NSUN6: variants seen among roughly 807,000 people sequenced by gnomAD.
NSUN6 encodes the protein NOP2/Sun RNA methyltransferase 6.
NSUN6 carries 64 observed loss-of-function variants against 58.0 expected under a neutral mutation model. The observed-to-expected ratio is 1.10, with a 90% CI of 0.90 to 1.36. The LOEUF (loss-of-function observed/expected upper bound fraction) is 1.36, where lower values mean the gene tolerates loss of function less well. Among genes scored for constraint, NSUN6 ranks in the 40% most tolerant of loss-of-function variants. The probability of loss-of-function intolerance (pLI) is 0.00; values close to 1 mark genes in which losing one functional copy is unlikely to be tolerated. For synonymous variants in NSUN6, 231 were observed against 193.9 expected (o/e 1.19, Z -1.59); for missense variants, 701 against 550.1 (o/e 1.27, Z -2.74).
intron 7 of NSUN6, among the ~76,000 whole-genome samples, chr10:18,587,567 T>G (rs975615667): frequency 6.6e-6 from 1 of 152,036 alleles, no homozygotes; most frequent in Non-Finnish European, 1.5e-5. Context: ...GTGAGTGATT[T>G]CTGCATTTCT....
intron 6 of NSUN6, among the ~76,000 whole-genome samples, chr10:18,606,971 A>C (rs989462611): frequency 3.3e-5 from 5 of 152,208 alleles, no homozygotes; most frequent in South Asian, 2.1e-4. Context: ...CAATCCCTGA[A>C]ACCAAAATGA....
upstream of NSUN6, chr10:18,655,284 C>CA: frequency 8.4e-6 from 2 of 238,526 alleles, no homozygotes; most frequent in Non-Finnish European, 1.4e-5. Context: ...CCTCTGGTGT[C>CA]AAGCTACTAG....
chr10:18,638,508 G>T (rs527588098), intron 3 of NSUN6, among the ~76,000 whole-genome samples: 1 of 152,108 alleles, frequency 6.6e-6, no homozygotes, highest in Non-Finnish European at 1.5e-5. Flanking sequence ...CATTACACTG[G>T]CCAAATGTCT....
chr10:18,610,186 T>G (rs2058182578), intron 5 of NSUN6, among the ~76,000 whole-genome samples: 1 of 151,918 alleles, frequency 6.6e-6, no homozygotes, highest in African/African-American at 2.4e-5. Context: ...CCAAGCGTGG[T>G]GACAGGCTGT....
chr10:18,633,027 C>CTGGAT (rs1281688493), intron 3 of NSUN6, among the ~76,000 whole-genome samples: 1 of 151,812 alleles, frequency 6.6e-6, no homozygotes, highest in Non-Finnish European at 1.5e-5. Context: ...CAATGATAGA[C>CTGGAT]TGGATTAAGA....
chr10:18,623,915 C>T (rs1320387831), intron 3 of NSUN6, among the ~76,000 whole-genome samples: 2 of 152,108 alleles, frequency 1.3e-5, no homozygotes, highest in Non-Finnish European at 2.9e-5. Flanking sequence ...TGACTAGTCC[C>T]ATAGGCATGC....
At chr10:18,632,785 G>A (rs1421082965) in intron 3 of NSUN6, among the ~76,000 whole-genome samples, 1 of 152,158 alleles carries the variant, frequency 6.6e-6, no homozygotes, top group African/African-American at 2.4e-5. Flanking sequence ...TGGAGAAATA[G>A]GAACAATTTT....
chr10:18,580,381 T>A (rs1332011314), intron 8 of NSUN6, among the ~76,000 whole-genome samples: 1 of 152,152 alleles, frequency 6.6e-6, no homozygotes, highest in African/African-American at 2.4e-5. Context: ...CCCTCTCTCC[T>A]TAAGCTCCCA....
Position 18,590,306 on chromosome 10 carries a change from TAGTGGGAG to T in NSUN6, c.778-4221_778-4214del, listed in dbSNP as rs750350545. Among the ~76,000 whole-genome samples, 193 of 152,230 alleles carry T rather than the reference TAGTGGGAG, an allele frequency of 1.3e-3. 1 individual carries two copies. Among genetic ancestry groups the T allele is most frequent in the Non-Finnish European group, 1.7e-3 (116 of 68,004 alleles). Reference sequence around the variant, plus strand: ...GAGACTTAAGACTCCCACACAATAATAGTGGGAGACTTTAACACCCTACTGTTAATAGT... The same window carrying T: ...GAGACTTAAGACTCCCACACAATAATACTTTAACACCCTACTGTTAATAGT... On this transcript the variant is annotated intron_variant, in intron 7 of 10. Coordinates refer to ENST00000377304, the MANE Select transcript of NSUN6 (RefSeq NM_182543.5).
At chr10:18,595,555 C>T (rs2057552394) in intron 7 of NSUN6, among the ~76,000 whole-genome samples, 1 of 152,166 alleles carries the variant, frequency 6.6e-6, no homozygotes, top group Non-Finnish European at 1.5e-5. Context: ...GTATTTAATG[C>T]ATTTTTCCTT....
chr10:18,650,714 G>A (rs995349741), intron 1 of NSUN6, among the ~76,000 whole-genome samples: 2 of 152,176 alleles, frequency 1.3e-5, no homozygotes, highest in African/African-American at 2.4e-5. Flanking sequence ...AGATTGTGAA[G>A]ATTAAAGATG....
Position 18,567,492 on chromosome 10 carries a change from C to A in NSUN6, c.923-15521G>T, listed in dbSNP as rs550711376. ...TCTCCATACCATCCTCCATTCCATT[C>A]CATTCTCCATTCCATTCTATTCACC... On this transcript the variant is annotated intron_variant, in intron 8 of 10. Transcript: ENST00000377304. Among the ~76,000 whole-genome samples the A allele has an allele frequency of 2.0e-5, 3 of 151,374 alleles. No individual in the cohort carries two copies. The East Asian group carries it at 5.9e-4, about 30-fold the overall frequency.
At chr10:18,588,582 A>T (rs6482545) in intron 7 of NSUN6, among the ~76,000 whole-genome samples, 1 of 152,034 alleles carries the variant, frequency 6.6e-6, no homozygotes, top group Non-Finnish European at 1.5e-5. Context: ...AGAGGAAGGA[A>T]CAGGCAGCAA....
At chr10:18,596,507 G>A (rs936943831) in intron 6 of NSUN6, among the ~76,000 whole-genome samples, 180 bp from the exon 7 acceptor site, 4 of 151,952 alleles carry the variant, frequency 2.6e-5, no homozygotes, top group Non-Finnish European at 4.4e-5. Flanking sequence ...AATATCCTAC[G>A]ATCTCCCAGG....
At chr10:18,650,729 T>C (rs1226185010) in intron 1 of NSUN6, among the ~76,000 whole-genome samples, 1 of 152,156 alleles carries the variant, frequency 6.6e-6, no homozygotes, top group South Asian at 2.1e-4. Flanking sequence ...AAGATGCAAA[T>C]CTCCTAGCAC....
At chr10:18,577,203 G>C (rs1161614867) in intron 8 of NSUN6, among the ~76,000 whole-genome samples, 17 of 152,150 alleles carry the variant, frequency 1.1e-4, no homozygotes, top group Non-Finnish European at 2.5e-4. Flanking sequence ...GATATTAGCA[G>C]AAAGAGGAGG....
chr10:18,624,408 G>T (rs1192392982), intron 3 of NSUN6, among the ~76,000 whole-genome samples: 2 of 151,980 alleles, frequency 1.3e-5, no homozygotes, highest in Admixed American at 1.3e-4. Flanking sequence ...GGGTGCGGTG[G>T]CTCATGCCTA....
At chr10:18,560,798 G>T (rs575060450) in intron 8 of NSUN6, among the ~76,000 whole-genome samples, 1 of 151,078 alleles carries the variant, frequency 6.6e-6, no homozygotes, top group Non-Finnish European at 1.5e-5. Context: ...GAATGGTATG[G>T]AGAATGGAGA....
intron 8 of NSUN6, among the ~76,000 whole-genome samples, chr10:18,579,911 A>T (rs4634984): frequency 0.61 from 92,363 of 151,988 alleles, 28,575 homozygotes; most frequent in East Asian, 0.98. Flanking sequence ...TAACTTTGAA[A>T]AGAATGGGAA....
Sources: allele counts gnomAD v4.1 joint callset (sites outside exome capture counted in the v4.1 genomes callset), GRCh38; gene constraint gnomAD v4.1.1; transcripts MANE v1.5; gene names NCBI Gene and HGNC (gene_info 2026-07-23, HGNC 2026-07-21).